HEPHL1: variants seen among roughly 807,000 people sequenced by gnomAD.
HEPHL1 encodes ferroxidase HEPHL1.
HEPHL1 carries 123 observed loss-of-function variants against 122.0 expected under a neutral mutation model. The ratio of observed to expected loss-of-function variants is 1.01; its 90% CI spans 0.87 to 1.17. The LOEUF (loss-of-function observed/expected upper bound fraction) is 1.17, where lower values mean the gene tolerates loss of function less well. Among genes scored for constraint, HEPHL1 ranks in the 50% most tolerant of loss-of-function variants. The pLI is 0.00. For synonymous variants in HEPHL1, 527 were observed against 508.9 expected (o/e 1.04, Z -0.48); for missense variants, 1,452 against 1,430.5 (o/e 1.01, Z -0.24).
chr11:94,057,136 C>T (rs999474671), intron 2 of HEPHL1, among the ~76,000 whole-genome samples: 2 of 152,066 alleles, frequency 1.3e-5, no homozygotes, highest in African/African-American at 2.4e-5. Context: ...ATTGATGCTC[C>T]CTTGTACGTG....
chr11:94,025,340 T>C (rs1435503145), intron 1 of HEPHL1, among the ~76,000 whole-genome samples: 1 of 152,142 alleles, frequency 6.6e-6, no homozygotes, highest in Non-Finnish European at 1.5e-5. Flanking sequence ...ATGGTGTCAG[T>C]ATTTTGATCT....
At chr11:94,025,608 G>A (rs1179926422) in intron 1 of HEPHL1, among the ~76,000 whole-genome samples, 1 of 152,112 alleles carries the variant, frequency 6.6e-6, no homozygotes, top group Non-Finnish European at 1.5e-5. Context: ...CCCCATTTTT[G>A]TAGAGTCTGT....
Position 94,104,679 on chromosome 11 carries a change from A to G in HEPHL1, c.2834A>G (p.Lys945Arg), listed in dbSNP as rs1324826405. Residue 945 changes from lysine to arginine, a missense_variant, in exon 16 of 20, where the codon AAG (lysine) becomes AGG (arginine). Coordinates refer to ENST00000315765, the MANE Select transcript of HEPHL1 (RefSeq NM_001098672.2). ...TCCTGGTATCTGGATGACAATATTA[A>G]GAAGTATCTCAACAAAGATCCACGA... Reference protein sequence around the residue: ...NESWYLDDNIKKYLNKDPRDF... With the variant: ...NESWYLDDNIRKYLNKDPRDF... 6.2e-7 allele frequency: 1 copy of G among 1,613,946 alleles called. No homozygotes were observed. The highest frequency in any genetic ancestry group is 8.5e-7 in the Non-Finnish European group (1 of 1,179,812).
intron 1 of HEPHL1, among the ~76,000 whole-genome samples, chr11:94,028,667 GA>G (rs1234981332): frequency 1.7e-4 from 26 of 152,184 alleles, no homozygotes; most frequent in African/African-American, 6.3e-4. Context: ...AATGCAGATT[GA>G]AAATGTTCTT....
At chr11:94,056,679 A>G (rs543112834) in intron 2 of HEPHL1, among the ~76,000 whole-genome samples, 18 of 151,972 alleles carry the variant, frequency 1.2e-4, no homozygotes, top group Non-Finnish European at 2.4e-4. Context: ...CTATCTATCT[A>G]TCTATCTATC....
At chr11:94,044,357 C>T (rs898452781) in intron 1 of HEPHL1, among the ~76,000 whole-genome samples, 1 of 152,104 alleles carries the variant, frequency 6.6e-6, no homozygotes, top group African/African-American at 2.4e-5. Flanking sequence ...AGTGTCTCTG[C>T]CCCTCAACTT....
intron 5 of HEPHL1, among the ~76,000 whole-genome samples, chr11:94,068,586 C>T (rs1383056329): frequency 6.6e-6 from 1 of 152,128 alleles, no homozygotes; most frequent in African/African-American, 2.4e-5. Flanking sequence ...GCCTGGGAGG[C>T]TCATCAGGCC....
intron 1 of HEPHL1, among the ~76,000 whole-genome samples, chr11:94,031,898 A>G (rs1217954055): frequency 2.0e-5 from 3 of 152,226 alleles, no homozygotes; most frequent in Non-Finnish European, 4.4e-5. Context: ...TGAGGAGAGG[A>G]GAAAGTGGTC....
Position 94,106,114 on chromosome 11 carries a change from A to G in HEPHL1, c.3029A>G (p.Glu1010Gly). 6.4e-7 allele frequency: 1 copy of G among 1,563,084 alleles called. No homozygotes were observed. The highest frequency in any genetic ancestry group is 8.7e-7 in the Non-Finnish European group (1 of 1,148,254). ...VDIHTIHYHA[E>G]SFLFKIDKSY... ...ATACATACCATCCATTATCATGCTG[A>G]GAGCTTTCTTTTCAAAGTAAGTATA... is the stretch of plus-strand genomic sequence containing the variant. Residue 1010 changes from glutamate (E) to glycine (G), a missense_variant, in exon 17 of 20, where the codon GAG becomes GGG. Glu to Gly is a moderately conservative substitution (Grantham distance 98). Coordinates refer to ENST00000315765, the MANE Select transcript of HEPHL1 (RefSeq NM_001098672.2).
intron 1 of HEPHL1, among the ~76,000 whole-genome samples, chr11:94,042,627 A>T (rs1945792203): frequency 6.6e-6 from 1 of 151,224 alleles, no homozygotes; most frequent in South Asian, 2.1e-4. Flanking sequence ...TCGCGAGAAC[A>T]AAAAATCAAA....
chr11:94,093,638 T>A lies in HEPHL1; in HGVS notation c.2432T>A (p.Leu811Gln). Residue 811 changes from leucine to glutamine, a missense_variant and splice_region_variant, in exon 13 of 20, where the codon CTG (leucine) becomes CAG (glutamine). By Grantham distance (113) the Leu-to-Gln change is moderately radical. Coordinates refer to ENST00000315765, the MANE Select transcript of HEPHL1 (RefSeq NM_001098672.2). ...CCACGAGAGGAGCACTTAGAACTCC[T>A]GGGTATGGCACAGATTTCAGGCGTG... is the stretch of plus-strand genomic sequence containing the variant. ...RPPREEHLELLGPMIHAEVGN... is the reference protein window; with the variant it reads ...RPPREEHLELQGPMIHAEVGN... 6.2e-7 allele frequency: 1 copy of A among 1,612,450 alleles called. No homozygotes were observed. The highest frequency in any genetic ancestry group is 8.5e-7 in the Non-Finnish European group (1 of 1,179,506).
chr11:94,070,136 TGGA>T lies in HEPHL1; in HGVS notation c.1064-236_1064-234del, dbSNP rs199655033. Among the ~76,000 whole-genome samples, 67 of 152,330 alleles carry T rather than the reference TGGA, an allele frequency of 4.4e-4. 1 individual carries two copies. The East Asian group carries it at 0.011, about 25-fold the overall frequency. On this transcript the variant is annotated intron_variant, in intron 5 of 19. Transcript: ENST00000315765. The stretch of plus-strand genomic sequence containing the variant: ...TTTCTGTTCCTTGCTCATTTTCTAT[TGGA>T]GATTTACTTGTTTTCATCTTTATCT...
chr11:94,103,165 A>G, intron 15 of HEPHL1, 145 bp downstream of exon 15: 1 of 609,378 alleles, frequency 1.6e-6, no homozygotes, highest in Non-Finnish European at 2.9e-6. Context: ...TACGAAATCT[A>G]GACATGCTGG....
At chr11:94,069,946 C>T (rs1357954139) in intron 5 of HEPHL1, among the ~76,000 whole-genome samples, 2 of 152,112 alleles carry the variant, frequency 1.3e-5, no homozygotes, top group Non-Finnish European at 2.9e-5. Flanking sequence ...CATTCATCTA[C>T]CAACACTGAG....
intron 11 of HEPHL1, among the ~76,000 whole-genome samples, chr11:94,086,755 C>G (rs1240685972): frequency 6.6e-6 from 1 of 152,180 alleles, no homozygotes; most frequent in Non-Finnish European, 1.5e-5. Flanking sequence ...AATGCCAGTA[C>G]CTGGAACTTC....
At chr11:94,071,008 C>T (rs1398530704) in intron 6 of HEPHL1, among the ~76,000 whole-genome samples, 2 of 152,038 alleles carry the variant, frequency 1.3e-5, no homozygotes, top group Non-Finnish European at 2.9e-5. Flanking sequence ...TATTCTTTTC[C>T]TTTCTATTCA....
intron 2 of HEPHL1, among the ~76,000 whole-genome samples, chr11:94,061,981 A>G (rs1591473790): frequency 6.6e-6 from 1 of 152,154 alleles, no homozygotes; most frequent in Admixed American, 6.5e-5. Context: ...CTCTATATCT[A>G]ACAATATAAC....
chr11:94,032,278 G>T (rs997889057), intron 1 of HEPHL1, among the ~76,000 whole-genome samples: 1 of 152,222 alleles, frequency 6.6e-6, no homozygotes, highest in East Asian at 1.9e-4. Flanking sequence ...AAACCGTGGG[G>T]GATTCTCCAG....
intron 9 of HEPHL1, 34 bp from the exon 10 acceptor site, chr11:94,082,384 A>G (rs749596426): frequency 9.1e-6 from 14 of 1,538,766 alleles, no homozygotes; most frequent in Admixed American, 3.7e-5. Context: ...TCCAAGCTGT[A>G]CCTTTTATGT....
Sources: allele counts gnomAD v4.1 joint callset (sites outside exome capture counted in the v4.1 genomes callset), GRCh38; gene constraint gnomAD v4.1.1; transcripts MANE v1.5; gene names NCBI Gene and HGNC (gene_info 2026-07-23, HGNC 2026-07-21).